The following CATSPERD variants were observed in gnomAD, a reference collection of about 807,000 sequenced individuals.
CATSPERD encodes the protein cation channel sperm-associated auxiliary subunit delta.
A neutral mutation model predicts 98.1 loss-of-function variants in CATSPERD; 86 were observed. The ratio of observed to expected loss-of-function variants is 0.88; its 90% CI spans 0.74 to 1.05. The LOEUF (loss-of-function observed/expected upper bound fraction) is 1.05, where lower values mean the gene tolerates loss of function less well. Ranked by LOEUF, CATSPERD falls within the 50% of genes least tolerant of loss-of-function variation. The pLI, the probability that CATSPERD is intolerant of heterozygous loss-of-function variation, is 0.00. For synonymous variants in CATSPERD, 394 were observed against 390.2 expected, an observed-to-expected ratio of 1.01 and a Z score of -0.12; for missense variants, 995 against 1,005.7, an observed-to-expected ratio of 0.99 and a Z score of 0.14.
At chr19:5,726,796 A>G (rs1184303631) in intron 2 of CATSPERD, among the ~76,000 whole-genome samples, 1 of 152,222 alleles carries the variant, frequency 6.6e-6, no homozygotes, top group African/African-American at 2.4e-5. Context: ...CAGCAGTCAC[A>G]TCTGACATGA....
At chr19:5,731,067 G>C (rs1305826827) in intron 4 of CATSPERD, among the ~76,000 whole-genome samples, 1 of 150,880 alleles carries the variant, frequency 6.6e-6, no homozygotes, top group Non-Finnish European at 1.5e-5. Context: ...ACTCCAGCCT[G>C]GGTGACAGAG....
chr19:5,758,698 G>A (rs546782453), intron 14 of CATSPERD, among the ~76,000 whole-genome samples: 6 of 151,528 alleles, frequency 4.0e-5, no homozygotes, highest in Non-Finnish European at 7.4e-5. Flanking sequence ...AGCCGAGATC[G>A]TGTCACTGCA....
intron 18 of CATSPERD, among the ~76,000 whole-genome samples, chr19:5,770,581 G>C (rs1397521330): frequency 6.6e-6 from 1 of 151,596 alleles, no homozygotes; most frequent in Non-Finnish European, 1.5e-5. Context: ...AGGAGTTTGA[G>C]ACCAGCCTGG....
chr19:5,767,015 T>A (rs990706120), intron 17 of CATSPERD, among the ~76,000 whole-genome samples: 2 of 151,558 alleles, frequency 1.3e-5, no homozygotes, highest in Admixed American at 1.3e-4. Flanking sequence ...TAAAATAAAT[T>A]TTTTAAAAAG....
chr19:5,722,161 G>A (rs778348465), intron 1 of CATSPERD, among the ~76,000 whole-genome samples: 8 of 151,608 alleles, frequency 5.3e-5, no homozygotes, highest in African/African-American at 1.5e-4. Context: ...TGTTCTCGTC[G>A]CCCAGGCTGG....
At position 5,775,625 on chromosome 19, in the gene CATSPERD, G is replaced by C. The variant is rs1251995541; in HGVS notation, c.1942-536G>C. On this transcript the variant is annotated intron_variant, in intron 20 of 21. Coordinates refer to ENST00000381624, the MANE Select transcript of CATSPERD (RefSeq NM_152784.4). ...GATCGCGCCACTGCACTCCAGCCTG[G>C]GCAACAGAGTGAAACCCCATCTCAA... Among the ~76,000 whole-genome samples the C allele has an allele frequency of 1.1e-4, 15 of 142,312 alleles. No individual in the cohort carries two copies. The South Asian group carries it at 3.1e-3, about 30-fold the overall frequency. The allele number at this position is 142,312 out of a possible 152,430, so 93.4% of individuals were successfully genotyped here.
At chr19:5,736,684 C>T (rs559155290) in intron 5 of CATSPERD, among the ~76,000 whole-genome samples, 4 of 151,572 alleles carry the variant, frequency 2.6e-5, no homozygotes, top group South Asian at 4.2e-4. Flanking sequence ...CTAGCCTAGA[C>T]GACAGAGATT....
In CATSPERD at chr19:5,733,893, G is replaced by T; in HGVS notation, c.314G>T (p.Gly105Val). Residue 105 changes from glycine (G) to valine (V), a missense_variant, in exon 5 of 22, where the codon GGT (glycine) becomes GTT (valine). Around this residue, in one of 3 missense-constraint regions of CATSPERD, gnomAD observed 228 missense variants for 209.6 expected, o/e 1.09. Transcript: ENST00000381624. ...VPEVTSAHFA[G>V]SLLLLVVDQK... ...GAAGTGACATCAGCACATTTTGCTG[G>T]TTCGTTATTGCTGTTAGTAGTGGAT... The T allele has an allele frequency of 1.2e-6, 2 of 1,612,880 alleles. No homozygotes were observed. The highest frequency in any genetic ancestry group is 1.7e-6 in the Non-Finnish European group (2 of 1,179,762).
At chr19:5,728,367 A>G (rs1257464261) in intron 3 of CATSPERD, among the ~76,000 whole-genome samples, 2 of 150,066 alleles carry the variant, frequency 1.3e-5, no homozygotes, top group Non-Finnish European at 3.0e-5. Flanking sequence ...AAAAAAAAAA[A>G]AAAAAAAGAA....
chr19:5,744,349 AG>A (rs2056055002), intron 7 of CATSPERD, 77 bp from the exon 8 acceptor site: 1 of 1,195,274 alleles, frequency 8.4e-7, no homozygotes, highest in Admixed American at 1.9e-5. Context: ...GTAACTTATT[AG>A]ATAATCTGAA....
At chr19:5,767,988 G>A (rs2056574670) in intron 17 of CATSPERD, among the ~76,000 whole-genome samples, 180 bp from the exon 18 acceptor site, 1 of 152,178 alleles carries the variant, frequency 6.6e-6, no homozygotes, top group Non-Finnish European at 1.5e-5. Context: ...AGTAGAGACG[G>A]GGTTTCCTCA....
intron 16 of CATSPERD, among the ~76,000 whole-genome samples, chr19:5,763,545 G>A (rs1179486559): frequency 6.6e-6 from 1 of 152,192 alleles, no homozygotes; most frequent in African/African-American, 2.4e-5. Context: ...GAGAAGCCAG[G>A]CACGAAAGGA....
intron 17 of CATSPERD, among the ~76,000 whole-genome samples, chr19:5,766,745 T>C: frequency 6.6e-6 from 1 of 150,566 alleles, no homozygotes. Context: ...CAGGCTGGAG[T>C]GCAGTGGCAC....
At chr19:5,726,211 G>A (rs527415647) in intron 2 of CATSPERD, among the ~76,000 whole-genome samples, 2 of 151,302 alleles carry the variant, frequency 1.3e-5, no homozygotes, top group South Asian at 2.1e-4. Flanking sequence ...ACAGGCGTGC[G>A]CCACCACACC....
At position 5,771,165 on chromosome 19, in the gene CATSPERD, C is replaced by T. The variant is rs2446201; in HGVS notation, c.1763+93C>T. The stretch of plus-strand genomic sequence containing the variant: ...TACCAGCCTGGCCCTCCAGGCTCCC[C>T]TAGATCCCTCAAAATGATGATGGTC... On this transcript the variant is annotated intron_variant, in intron 19 of 21. Coordinates refer to ENST00000381624, the MANE Select transcript of CATSPERD (RefSeq NM_152784.4). 10,918 of 1,350,676 alleles carry T rather than the reference C, an allele frequency of 8.1e-3. 696 individuals carry two copies. The African/African-American group carries it at 0.14, about 17-fold the overall frequency. 83.7% of individuals were successfully genotyped at this position (1,350,676 alleles called of 1,614,324 possible). A position where few individuals can be genotyped will look rare whatever the true frequency, so the allele number is the denominator to read the frequency against.
chr19:5,741,557 C>T (rs1318228842), intron 7 of CATSPERD, among the ~76,000 whole-genome samples: 1 of 151,952 alleles, frequency 6.6e-6, no homozygotes, highest in Non-Finnish European at 1.5e-5. Flanking sequence ...GGATGCTCAT[C>T]CCAAAGACCA....
chr19:5,742,770 C>T (rs753839272), intron 7 of CATSPERD, among the ~76,000 whole-genome samples: 31 of 151,952 alleles, frequency 2.0e-4, no homozygotes, highest in East Asian at 3.9e-4. Flanking sequence ...GCCTGGGGGA[C>T]GGAGAGATAT....
chr19:5,740,635 C>T (rs904306227), intron 7 of CATSPERD, among the ~76,000 whole-genome samples: 4 of 151,324 alleles, frequency 2.6e-5, no homozygotes, highest in African/African-American at 9.7e-5. Flanking sequence ...GGTGTATTGG[C>T]GGACGCCTGT....
chr19:5,777,968 G>A (rs896133099), intron 21 of CATSPERD, among the ~76,000 whole-genome samples: 1 of 152,018 alleles, frequency 6.6e-6, no homozygotes, highest in Non-Finnish European at 1.5e-5. Flanking sequence ...CAGCATTTTG[G>A]GAGGCAGAGG....
Sources: allele counts gnomAD v4.1 joint callset (sites outside exome capture counted in the v4.1 genomes callset), GRCh38; gene constraint gnomAD v4.1.1; regional missense constraint gnomAD v4.1.1; transcripts MANE v1.5; gene names NCBI Gene and HGNC (gene_info 2026-07-23, HGNC 2026-07-21).